The following DDAH1 variants were observed in gnomAD, a reference collection of about 807,000 sequenced individuals.
DDAH1 encodes the protein dimethylarginine dimethylaminohydrolase 1.
Under a neutral mutation model 28.8 loss-of-function variants are expected in DDAH1, and 19 were observed. The ratio of observed to expected loss-of-function variants is 0.66; its 90% CI spans 0.46 to 0.97. The LOEUF is 0.97. DDAH1 is among the 50% of genes least tolerant of loss of function. The pLI is 0.00. For synonymous variants in DDAH1, 153 were observed against 154.4 expected (o/e 0.99, Z 0.07); for missense variants, 326 against 375.9 (o/e 0.87, Z 1.10).
intron 3 of DDAH1, among the ~76,000 whole-genome samples, chr1:85,350,796 G>A (rs937733657): frequency 2.0e-5 from 3 of 152,180 alleles, no homozygotes; most frequent in Non-Finnish European, 4.4e-5. Context: ...CTGGGAGGGT[G>A]TATTTGAATA....
intron 1 of DDAH1, among the ~76,000 whole-genome samples, chr1:85,541,221 G>A (rs1658463062): frequency 1.3e-5 from 2 of 152,164 alleles, no homozygotes; most frequent in South Asian, 4.1e-4. Context: ...TTTTCTAAGT[G>A]ATAGCCTTTA....
intron 1 of DDAH1, among the ~76,000 whole-genome samples, chr1:85,440,567 T>C (rs908998244): frequency 1.3e-5 from 2 of 152,348 alleles, no homozygotes; most frequent in South Asian, 2.1e-4. Flanking sequence ...ATAATTCCAG[T>C]CTTTGAAGGG....
At chr1:85,337,062 T>G (rs1648178365) in intron 4 of DDAH1, among the ~76,000 whole-genome samples, 1 of 152,238 alleles carries the variant, frequency 6.6e-6, no homozygotes. Flanking sequence ...CATAAATTAA[T>G]AAACATGATA....
chr1:85,327,350 A>G (rs1004788508), intron 4 of DDAH1, among the ~76,000 whole-genome samples: 4 of 152,172 alleles, frequency 2.6e-5, no homozygotes, highest in Admixed American at 6.5e-5. Flanking sequence ...AAACCATAAA[A>G]GACTAGACCT....
At chr1:85,445,271 C>T (rs1654382015) in intron 1 of DDAH1, among the ~76,000 whole-genome samples, 1 of 152,136 alleles carries the variant, frequency 6.6e-6, no homozygotes, top group Non-Finnish European at 1.5e-5. Context: ...CACAGGGGGA[C>T]ATGATAGCTC....
chr1:85,503,241 G>A (rs1029743923), intron 1 of DDAH1, among the ~76,000 whole-genome samples: 1 of 152,086 alleles, frequency 6.6e-6, no homozygotes, highest in Non-Finnish European at 1.5e-5. Context: ...TTTCACTCTT[G>A]TTGCCCAAGC....
chr1:85,494,359 C>A (rs1449037602), intron 2 of DDAH1: 1 of 152,206 alleles, frequency 6.6e-6, no homozygotes, highest in Non-Finnish European at 1.5e-5. Context: ...AGTACTCTCT[C>A]TTAATAATAA....
At chr1:85,461,404 T>C (rs2100689057) in intron 1 of DDAH1, among the ~76,000 whole-genome samples, 1 of 152,300 alleles carries the variant, frequency 6.6e-6, no homozygotes, top group South Asian at 2.1e-4. Flanking sequence ...CTTTCTTGAA[T>C]TCCAAGGAAG....
chr1:85,325,395 T>C (rs1457444481), intron 4 of DDAH1, among the ~76,000 whole-genome samples: 1 of 152,106 alleles, frequency 6.6e-6, no homozygotes, highest in African/African-American at 2.4e-5. Flanking sequence ...CTCTTCCACA[T>C]ACTTTTAAAC....
chr1:85,394,168 TAA>T (rs1274649853), intron 1 of DDAH1, among the ~76,000 whole-genome samples: 5 of 152,180 alleles, frequency 3.3e-5, no homozygotes, highest in Non-Finnish European at 7.3e-5. Flanking sequence ...TGTGGGGAGG[TAA>T]AGTCTTTAAG....
At chr1:85,543,265 C>G (rs1426230802) in intron 1 of DDAH1, among the ~76,000 whole-genome samples, 2 of 152,162 alleles carry the variant, frequency 1.3e-5, no homozygotes, top group African/African-American at 4.8e-5. Flanking sequence ...TATACATGTT[C>G]AACACATTGA....
chr1:85,350,224 T>C (rs1387461486), intron 4 of DDAH1, among the ~76,000 whole-genome samples, 191 bp downstream of exon 4: 1 of 152,046 alleles, frequency 6.6e-6, no homozygotes, highest in Non-Finnish European at 1.5e-5. Flanking sequence ...CAGTGAAGAG[T>C]TCTTCCTACA....
chr1:85,433,596 C>A (rs1653804815), intron 1 of DDAH1, among the ~76,000 whole-genome samples: 1 of 152,116 alleles, frequency 6.6e-6, no homozygotes, highest in African/African-American at 2.4e-5. Flanking sequence ...AAAACTTGTA[C>A]TAAATTCTTA....
chr1:85,470,759 T>TA (rs1655588222), intron 2 of DDAH1, among the ~76,000 whole-genome samples: 1 of 152,204 alleles, frequency 6.6e-6, no homozygotes, highest in Non-Finnish European at 1.5e-5. Flanking sequence ...GGTTCCACGG[T>TA]AACCAGGACT....
At chr1:85,342,675 A>T (rs1016096833) in intron 4 of DDAH1, among the ~76,000 whole-genome samples, 42 of 152,166 alleles carry the variant, frequency 2.8e-4, no homozygotes, top group South Asian at 1.4e-3. Context: ...TTTTACTGCT[A>T]ATGTAATCGG....
chr1:85,343,288 T>C (rs1220382921), intron 4 of DDAH1, among the ~76,000 whole-genome samples: 2 of 152,268 alleles, frequency 1.3e-5, no homozygotes, highest in Admixed American at 1.3e-4. Context: ...ATGGCTGTTT[T>C]GGTGTCATAG....
At chr1:85,407,098 G>C (rs539212752) in intron 1 of DDAH1, among the ~76,000 whole-genome samples, 59 of 152,192 alleles carry the variant, frequency 3.9e-4, no homozygotes, top group African/African-American at 1.4e-3. Context: ...TTTCTGAAGA[G>C]TTATGAGCAG....
intron 2 of DDAH1, among the ~76,000 whole-genome samples, chr1:85,358,268 T>C (rs2100857036): frequency 6.6e-6 from 1 of 152,378 alleles, no homozygotes; most frequent in South Asian, 2.1e-4. Flanking sequence ...TGATTATATT[T>C]GAATAGAAGG....
chr1:85,512,897 A>G (rs370572247), intron 1 of DDAH1, among the ~76,000 whole-genome samples: 1 of 152,238 alleles, frequency 6.6e-6, no homozygotes, highest in Non-Finnish European at 1.5e-5. Flanking sequence ...GATAGGAAGA[A>G]TCAATATTGT....
Sources: allele counts gnomAD v4.1 joint callset (sites outside exome capture counted in the v4.1 genomes callset), GRCh38; gene constraint gnomAD v4.1.1; transcripts MANE v1.5; gene names NCBI Gene and HGNC (gene_info 2026-07-23, HGNC 2026-07-21).